The following AKT2 variants were observed in gnomAD, a reference collection of about 807,000 sequenced individuals.
The protein encoded by AKT2 is RAC-beta serine/threonine-protein kinase.
A neutral mutation model predicts 58.6 loss-of-function variants in AKT2; 16 were observed. The ratio of observed to expected loss-of-function variants is 0.27; its 90% CI spans 0.18 to 0.41. The LOEUF is 0.41. AKT2 is among the 10% of genes least tolerant of loss of function. The pLI is 1.00. For synonymous variants in AKT2, 253 were observed against 254.0 expected (o/e 1.00, Z 0.04); for missense variants, 438 against 661.0 (o/e 0.66, Z 3.70).
chr19:40,267,137 C>A (rs1976418975), intron 1 of AKT2, among the ~76,000 whole-genome samples: 1 of 152,022 alleles, frequency 6.6e-6, no homozygotes, highest in South Asian at 2.1e-4. Context: ...TCCCACTCAC[C>A]CCACATTCAG....
rs1406222848 is a variant in AKT2 at position 40,242,812 on chromosome 19, T to C, written c.288-125A>G. The C allele has an allele frequency of 9.0e-7, 1 of 1,110,514 alleles. No homozygotes were observed. Among genetic ancestry groups the C allele is most frequent in the Non-Finnish European group, 1.3e-6 (1 of 763,476 alleles). The allele number at this position is 1,110,514 out of a possible 1,614,324, so 68.8% of individuals were successfully genotyped here. On this transcript the variant is annotated intron_variant, in intron 4 of 13. Coordinates refer to ENST00000392038, the MANE Select transcript of AKT2 (RefSeq NM_001626.6). This position sits in a 1 kb window ranked among gnomAD's most constrained non-coding sequence, Gnocchi z 4.3. ...CAAATGACCACATAACCATGGGAATTTGGGCAAGATCTGTCAGAACCAGAG... is the reference window on the plus strand; with the variant it reads ...CAAATGACCACATAACCATGGGAATCTGGGCAAGATCTGTCAGAACCAGAG...
chr19:40,252,030 G>A (rs1257747646), intron 4 of AKT2, among the ~76,000 whole-genome samples: 1 of 152,146 alleles, frequency 6.6e-6, no homozygotes, highest in Non-Finnish European at 1.5e-5. Flanking sequence ...CAGGGAGGAG[G>A]GTCTCTCCAG....
At chr19:40,247,700 C>A (rs2145238559) in intron 4 of AKT2, among the ~76,000 whole-genome samples, 1 of 152,338 alleles carries the variant, frequency 6.6e-6, no homozygotes, top group Non-Finnish European at 1.5e-5. Flanking sequence ...AGAACACCTT[C>A]CACTTGCAGA....
At chr19:40,273,522 A>AG (rs1491017241) in intron 1 of AKT2, 2 of 151,150 alleles carry the variant, frequency 1.3e-5, no homozygotes, top group African/African-American at 2.4e-5. Context: ...AAAAAAAAAA[A>AG]AGAGAGAGAC....
rs1973866853 is a variant in AKT2, at chr19:40,234,144, T to C, written c.1367-193A>G. On this transcript the variant is annotated intron_variant, in intron 13 of 13. Transcript: ENST00000392038. The surrounding 1 kb of genome is among the most constrained non-coding windows in gnomAD (Gnocchi z 4.7). ...AACCTGAGCCCCGGGCGGCCTCCTC[T>C]GGGAGTTTCCTGTGCCCTTGCCCAT... 2.0e-5 allele frequency among the ~76,000 whole-genome samples: 3 copies of C among 152,134 alleles called. No homozygotes were observed. The South Asian group carries it at 6.2e-4, about 31-fold the overall frequency.
At chr19:40,253,813 A>C (rs2145282812) in intron 4 of AKT2, among the ~76,000 whole-genome samples, 1 of 152,240 alleles carries the variant, frequency 6.6e-6, no homozygotes, top group South Asian at 2.1e-4. Flanking sequence ...CATCACAATA[A>C]AGAACGGCTA....
At chr19:40,279,070 G>C (rs1445146246) in intron 1 of AKT2, 3 of 152,226 alleles carry the variant, frequency 2.0e-5, no homozygotes, top group African/African-American at 7.2e-5. Flanking sequence ...GGCCCACAAA[G>C]TGGCAAACCG....
chr19:40,245,319 G>C lies in AKT2; in HGVS notation c.288-2632C>G, dbSNP rs564520021. On this transcript the variant is annotated intron_variant, in intron 4 of 13. Coordinates refer to ENST00000392038, the MANE Select transcript of AKT2 (RefSeq NM_001626.6). ...TTTAGGAGGCAGAGGCTGGAGGACT[G>C]CTTGAGCCCAGGAATTCCAGACCAG... 2.1e-3 allele frequency among the ~76,000 whole-genome samples: 316 copies of C among 152,274 alleles called. 2 individuals are homozygous for C. The highest frequency in any genetic ancestry group is 7.0e-3 in the African/African-American group (292 of 41,536).
chr19:40,250,032 A>G (rs1975032421), intron 4 of AKT2, among the ~76,000 whole-genome samples: 1 of 152,204 alleles, frequency 6.6e-6, no homozygotes, highest in Non-Finnish European at 1.5e-5. Context: ...TGTGCTAGGC[A>G]TGTTTAAGGA....
intron 4 of AKT2, among the ~76,000 whole-genome samples, chr19:40,252,488 C>G (rs937927044): frequency 6.6e-6 from 1 of 152,216 alleles, no homozygotes; most frequent in African/African-American, 2.4e-5. Context: ...TTGTCAGTAC[C>G]TGATGTGCCA....
At chr19:40,273,086 G>A (rs1309745299) in intron 1 of AKT2, among the ~76,000 whole-genome samples, 1 of 152,188 alleles carries the variant, frequency 6.6e-6, no homozygotes, top group South Asian at 2.1e-4. Flanking sequence ...GCTCATGACT[G>A]TAATCCCAGC....
rs1474656483 is a variant in AKT2, at chr19:40,237,188, G to C, written c.831+781C>G. 2 of 154,312 alleles carry C rather than the reference G, an allele frequency of 1.3e-5. No individual in the cohort carries two copies. The highest frequency in any genetic ancestry group is 2.4e-5 in the African/African-American group (1 of 41,468). 9.6% of individuals were successfully genotyped at this position (154,312 alleles called of 1,614,324 possible). A position where few individuals can be genotyped will look rare whatever the true frequency, so the allele number is the denominator to read the frequency against. On this transcript the variant is annotated intron_variant, in intron 9 of 13. Transcript: ENST00000392038. This position sits in a 1 kb window ranked among gnomAD's most constrained non-coding sequence, Gnocchi z 4.5. ...AGAACACTCCACAGTGGATCTGACT[G>C]TTCCTCTCACAGTGGATACTTGGGT...
At chr19:40,255,566 G>A (rs1215413290) in intron 3 of AKT2, among the ~76,000 whole-genome samples, 1 of 152,190 alleles carries the variant, frequency 6.6e-6, no homozygotes, top group Admixed American at 6.5e-5. Context: ...CTGGGGGGTT[G>A]GGGGGCTTCC....
chr19:40,235,432 T>A lies in AKT2; in HGVS notation c.1176-82A>T. The A allele has an allele frequency of 8.2e-7, 1 of 1,224,158 alleles. No homozygotes were observed. Among genetic ancestry groups the A allele is most frequent in the Non-Finnish European group, 1.2e-6 (1 of 836,988 alleles). 75.8% of individuals were successfully genotyped at this position (1,224,158 alleles called of 1,614,324 possible). ...GGGCTTTCGGAGCAGGCAGGCCCTG[T>A]ATGGCCCTTAATGATTCTGTCTTGA... On this transcript the variant is annotated intron_variant, in intron 11 of 13. Transcript: ENST00000392038. This position sits in a 1 kb window ranked among gnomAD's most constrained non-coding sequence, Gnocchi z 6.3.
rs1974447101 is a variant in AKT2 at position 40,242,129 on chromosome 19, AT to A, written c.442-61del. The A allele has an allele frequency of 1.2e-6, 2 of 1,609,556 alleles. No homozygotes were observed. Among genetic ancestry groups the A allele is most frequent in the African/African-American group, 1.3e-5 (1 of 74,824 alleles). On this transcript the variant is annotated intron_variant, in intron 5 of 13. Coordinates refer to ENST00000392038, the MANE Select transcript of AKT2 (RefSeq NM_001626.6). The surrounding 1 kb of genome is among the most constrained non-coding windows in gnomAD (Gnocchi z 4.3). ...CCTGGCTCATGGCCCGTGGGAGGAA[AT>A]TTTAACAAAAGAAAGAGGAAAACCA...
intron 1 of AKT2, among the ~76,000 whole-genome samples, chr19:40,275,765 G>GA (rs1491380082): frequency 7.0e-5 from 1 of 14,372 alleles, no homozygotes; most frequent in Non-Finnish European, 1.9e-4. Context: ...TTGGGAGGCT[G>GA]GGGGGGGGGG....
intron 4 of AKT2, among the ~76,000 whole-genome samples, chr19:40,247,950 G>C (rs1974862858): frequency 6.6e-6 from 1 of 152,220 alleles, no homozygotes; most frequent in Non-Finnish European, 1.5e-5. Context: ...AGGGCCAGGG[G>C]AGGGACATGG....
intron 1 of AKT2, among the ~76,000 whole-genome samples, chr19:40,276,736 C>T (rs1039856585): frequency 2.6e-5 from 4 of 152,020 alleles, no homozygotes; most frequent in Non-Finnish European, 4.4e-5. Context: ...TTTTTGCAGG[C>T]CAGGTGCAGT....
Position 40,230,830 on chromosome 19 carries a change from C to T in AKT2, c.*3042G>A, listed in dbSNP as rs964510652. ...TCCTGGGCTCAAGTGATCTTCCCAC[C>T]TCACCTCAGCCTTCCAAGTTAGCTG... On this transcript the variant is annotated 3_prime_UTR_variant, in exon 14 of 14. Transcript: ENST00000392038. The T allele has an allele frequency of 5.3e-6, 1 of 190,348 alleles. No homozygotes were observed. Among genetic ancestry groups the T allele is most frequent in the Admixed American group, 6.2e-5 (1 of 16,232 alleles). 11.8% of individuals were successfully genotyped at this position (190,348 alleles called of 1,614,324 possible).
Sources: gnomAD v4.1 joint callset for allele counts (sites outside exome capture counted in the v4.1 genomes callset) on GRCh38, gnomAD v4.1.1 for gene constraint, Gnocchi (gnomAD v3.1) non-coding constraint, MANE v1.5 for transcripts, NCBI Gene and HGNC (gene_info 2026-07-23, HGNC 2026-07-21) for gene names.